The following RUNX1 variants were observed in gnomAD, a reference collection of about 807,000 sequenced individuals.
RUNX1 encodes the protein runt-related transcription factor 1.
Under a neutral mutation model 42.8 loss-of-function variants are expected in RUNX1, and 19 were observed. The observed-to-expected ratio is 0.44, with a 90% CI of 0.31 to 0.65. The LOEUF is 0.65. RUNX1 is among the 30% of genes least tolerant of loss of function. The pLI is 0.07. For synonymous variants in RUNX1, 271 were observed against 289.4 expected (o/e 0.94, Z 0.64); for missense variants, 528 against 672.0 (o/e 0.79, Z 2.37).
chr21:35,000,992 C>T (rs1250043973), intron 2 of RUNX1, among the ~76,000 whole-genome samples: 1 of 152,188 alleles, frequency 6.6e-6, no homozygotes, highest in Non-Finnish European at 1.5e-5. Context: ...GTCTTCCTCC[C>T]ATAGTCCTCT....
chr21:34,995,486 G>C (rs1420248187), intron 2 of RUNX1, among the ~76,000 whole-genome samples: 1 of 142,328 alleles, frequency 7.0e-6, no homozygotes, highest in Admixed American at 7.3e-5. Context: ...TGTCACCCAG[G>C]CTGGAGTGCA....
chr21:34,814,046 CA>C (rs968550003), intron 7 of RUNX1, among the ~76,000 whole-genome samples: 1 of 151,004 alleles, frequency 6.6e-6, no homozygotes, highest in Non-Finnish European at 1.5e-5. Context: ...AGCTAAACCT[CA>C]AAAAAAAAGA....
At chr21:35,045,066 T>C (rs933923844) in intron 2 of RUNX1, among the ~76,000 whole-genome samples, 1 of 152,190 alleles carries the variant, frequency 6.6e-6, no homozygotes. Flanking sequence ...GGAGGTTTCT[T>C]TGGGGCGGCT....
At chr21:34,892,843 A>C in intron 3 of RUNX1, 82 bp downstream of exon 3, 4 of 815,602 alleles carry the variant, frequency 4.9e-6, no homozygotes, top group African/African-American at 1.7e-5. Context: ...AGTTATACAT[A>C]GAGATACATA....
Position 34,789,948 on chromosome 21 carries a change from C to T in RUNX1, c.*2187G>A, listed in dbSNP as rs1259698901. On this transcript the variant is annotated 3_prime_UTR_variant, in exon 9 of 9. Coordinates refer to ENST00000675419, the MANE Select transcript of RUNX1 (RefSeq NM_001754.5). Reference sequence around the variant, plus strand: ...AACATGTGCTGAAAAAAAACATTTACGTTTAATTTGGGGGAAATGGGCTAA... The same window carrying T: ...AACATGTGCTGAAAAAAAACATTTATGTTTAATTTGGGGGAAATGGGCTAA... The T allele has an allele frequency of 2.1e-5, 5 of 232,798 alleles. No homozygotes were observed. The highest frequency in any genetic ancestry group is 4.2e-5 in the Non-Finnish European group (5 of 117,936). The allele number at this position is 232,798 out of a possible 1,614,324, so 14.4% of individuals were successfully genotyped here. A position where few individuals can be genotyped will look rare whatever the true frequency, so the allele number is the denominator to read the frequency against.
chr21:34,952,434 A>T (rs919856544), intron 2 of RUNX1, among the ~76,000 whole-genome samples: 6 of 152,106 alleles, frequency 3.9e-5, no homozygotes, highest in Non-Finnish European at 7.3e-5. Flanking sequence ...AAAAAATAGT[A>T]TGGAATTGGC....
chr21:34,818,998 G>A (rs1023179755), intron 7 of RUNX1, among the ~76,000 whole-genome samples: 2 of 152,132 alleles, frequency 1.3e-5, no homozygotes, highest in Admixed American at 6.5e-5. Context: ...AAAGCTGAGC[G>A]CTCTGATATG....
intron 6 of RUNX1, among the ~76,000 whole-genome samples, chr21:34,853,102 AC>A (rs1235774526): frequency 1.3e-5 from 2 of 152,296 alleles, no homozygotes; most frequent in Admixed American, 1.3e-4. Context: ...GTGAAGGCCA[AC>A]ACCGGAAGAA....
intron 2 of RUNX1, among the ~76,000 whole-genome samples, chr21:34,995,552 T>C (rs1280118238): frequency 1.3e-5 from 2 of 148,668 alleles, no homozygotes; most frequent in African/African-American, 4.9e-5. Context: ...GTGACCCTCC[T>C]GCCTCAGCCT....
rs763510468 is a variant in RUNX1, at chr21:34,834,615, CAGGGA to C, written c.614-19_614-15del. 33 of 1,579,144 alleles carry C rather than the reference CAGGGA, an allele frequency of 2.1e-5. No homozygotes were observed. The African/African-American group carries it at 3.0e-4, about 15-fold the overall frequency. ...TCTGCCGATGTCCTATTGTGGGGAG[CAGGGA>C]GGGGAGGGGATGGGGGGAGGGAAGG... is the stretch of plus-strand genomic sequence containing the variant. On this transcript the variant is annotated splice_polypyrimidine_tract_variant and intron_variant, in intron 6 of 8. Transcript: ENST00000675419.
At position 35,022,207 on chromosome 21, in the gene RUNX1, T is replaced by C. The variant is rs1020335082; in HGVS notation, c.58+26635A>G. On this transcript the variant is annotated intron_variant, in intron 2 of 8. Coordinates refer to ENST00000675419, the MANE Select transcript of RUNX1 (RefSeq NM_001754.5). ...TTACCAGCAGCACCGGGCAAAGGAA[T>C]GTGGCTTACCTTTGAACAGACGAAA... is the stretch of plus-strand genomic sequence containing the variant. Among the ~76,000 whole-genome samples the C allele has an allele frequency of 3.9e-5, 6 of 152,240 alleles. No individual in the cohort carries two copies. In the East Asian group the frequency reaches 9.7e-4, roughly 25 times the overall value.
At chr21:34,989,042 T>C (rs2058915229) in intron 2 of RUNX1, among the ~76,000 whole-genome samples, 1 of 151,482 alleles carries the variant, frequency 6.6e-6, no homozygotes, top group African/African-American at 2.4e-5. Context: ...GGAGTTTCAC[T>C]CTGTTGCCCA....
intron 2 of RUNX1, among the ~76,000 whole-genome samples, chr21:35,043,654 T>C (rs990677481): frequency 2.0e-5 from 3 of 152,202 alleles, no homozygotes; most frequent in Admixed American, 2.0e-4. Context: ...TTGTCTAGAA[T>C]ATTATTAGCC....
At chr21:34,993,509 A>ACG in intron 2 of RUNX1, among the ~76,000 whole-genome samples, 1 of 146,218 alleles carries the variant, frequency 6.8e-6, no homozygotes, top group South Asian at 2.1e-4. Context: ...ACACACACAC[A>ACG]CACACACACA....
intron 2 of RUNX1, among the ~76,000 whole-genome samples, chr21:34,948,965 A>T (rs1184745493): frequency 6.6e-6 from 1 of 152,114 alleles, no homozygotes; most frequent in Non-Finnish European, 1.5e-5. Context: ...CATCTTGGCC[A>T]GGCTGGTCTT....
chr21:34,917,799 C>T (rs911120424), intron 2 of RUNX1, among the ~76,000 whole-genome samples: 2 of 152,020 alleles, frequency 1.3e-5, no homozygotes, highest in Non-Finnish European at 2.9e-5. Flanking sequence ...TCGTCAGGAC[C>T]CTAAACGCAT....
At chr21:34,887,261 T>C (rs1285735004) in intron 3 of RUNX1, 165 bp from the exon 4 acceptor site, 2 of 1,001,302 alleles carry the variant, frequency 2.0e-6, no homozygotes, top group African/African-American at 2.8e-5. Flanking sequence ...GCGGGGGTGG[T>C]TAGGGGAGGA....
At chr21:34,986,651 C>T (rs1286011705) in intron 2 of RUNX1, among the ~76,000 whole-genome samples, 6 of 150,472 alleles carry the variant, frequency 4.0e-5, no homozygotes, top group Non-Finnish European at 8.9e-5. Context: ...AGATGCCATG[C>T]GAAGACAGAG....
intron 2 of RUNX1, among the ~76,000 whole-genome samples, chr21:35,017,712 C>T (rs796549419): frequency 7.2e-5 from 11 of 152,302 alleles, no homozygotes; most frequent in African/African-American, 2.6e-4. Context: ...ACTGGGGAGT[C>T]TGTGTTAGCC....
Sources: gnomAD v4.1 joint callset for allele counts (sites outside exome capture counted in the v4.1 genomes callset) on GRCh38, gnomAD v4.1.1 for gene constraint, MANE v1.5 for transcripts, NCBI Gene and HGNC (gene_info 2026-07-23, HGNC 2026-07-21) for gene names.